Variants in RAD51B observed in about 807,000 individuals in gnomAD.
The protein encoded by RAD51B is DNA repair protein RAD51 homolog 2.
RAD51B carries 38 observed loss-of-function variants against 42.2 expected under a neutral mutation model. The ratio of observed to expected loss-of-function variants is 0.90; its 90% CI spans 0.70 to 1.18. The LOEUF (loss-of-function observed/expected upper bound fraction) is 1.18. RAD51B is among the 50% of genes most tolerant of loss of function. RAD51B has a pLI of 0.00. For missense variants in RAD51B, 373 were observed against 400.7 expected (o/e 0.93, Z 0.59); for synonymous variants, 154 against 145.2 (o/e 1.06, Z -0.43).
intron 7 of RAD51B, among the ~76,000 whole-genome samples, chr14:68,098,883 T>C (rs1053435063): frequency 2.0e-5 from 3 of 152,190 alleles, no homozygotes; most frequent in Non-Finnish European, 4.4e-5. Flanking sequence ...AGACAAGTTG[T>C]GTCCATGGCG....
At chr14:68,076,349 C>T (rs2076833662) in intron 7 of RAD51B, among the ~76,000 whole-genome samples, 1 of 152,116 alleles carries the variant, frequency 6.6e-6, no homozygotes, top group African/African-American at 2.4e-5. Flanking sequence ...TAATATATAC[C>T]TTATCAAGTT....
chr14:68,013,413 T>C (rs761792100), intron 7 of RAD51B, among the ~76,000 whole-genome samples: 16 of 152,102 alleles, frequency 1.1e-4, no homozygotes, highest in Non-Finnish European at 2.2e-4. Context: ...TACCATGTGA[T>C]GGGTGGGGTT....
intron 4 of RAD51B, among the ~76,000 whole-genome samples, chr14:67,857,575 C>A (rs528658316): frequency 3.3e-5 from 5 of 152,288 alleles, no homozygotes; most frequent in South Asian, 4.1e-4. Context: ...AAAATAATGG[C>A]TTGTTTCACC....
At chr14:67,837,156 TACAC>T (rs774191786) in intron 4 of RAD51B, among the ~76,000 whole-genome samples, 8 of 150,488 alleles carry the variant, frequency 5.3e-5, no homozygotes, top group Non-Finnish European at 7.4e-5. Context: ...CACACACACA[TACAC>T]ACACACACAC....
At chr14:68,551,928 A>G (rs1460913608) in intron 10 of RAD51B, among the ~76,000 whole-genome samples, 2 of 152,226 alleles carry the variant, frequency 1.3e-5, no homozygotes, top group Non-Finnish European at 2.9e-5. Flanking sequence ...TTGAAGTCAT[A>G]AGGGTGCTGT....
intron 7 of RAD51B, among the ~76,000 whole-genome samples, chr14:68,258,511 C>A (rs979176978): frequency 6.6e-6 from 1 of 151,926 alleles, no homozygotes; most frequent in Non-Finnish European, 1.5e-5. Flanking sequence ...ATTCCAGAAA[C>A]ATATCTCTTT....
chr14:68,477,836 C>G lies in RAD51B; in HGVS notation c.*172C>G, dbSNP rs1882830717. ...AACCATTGAGCTAGCGATTTCAGAC[C>G]TAGCAGGGAAGGTGAAGATGAAGAA... On this transcript the variant is annotated 3_prime_UTR_variant, in exon 11 of 11. Transcript: ENST00000471583. 6.9e-7 allele frequency: 1 copy of G among 1,442,398 alleles called. No homozygotes were observed. Among genetic ancestry groups the G allele is most frequent in the Admixed American group, 2.9e-5 (1 of 34,018 alleles). The allele number at this position is 1,442,398 out of a possible 1,614,324, so 89.3% of individuals were successfully genotyped here.
intron 8 of RAD51B, among the ~76,000 whole-genome samples, chr14:68,348,972 G>A (rs1029254337): frequency 1.3e-5 from 2 of 152,198 alleles, no homozygotes; most frequent in African/African-American, 4.8e-5. Flanking sequence ...TTTAGGTTTT[G>A]CAGGTCCTAT....
In RAD51B at chr14:68,275,441, TA is replaced by T. The variant is rs35372175; in HGVS notation, c.757-16432del. Among the ~76,000 whole-genome samples the T allele has an allele frequency of 3.4e-3, 501 of 146,794 alleles. 6 individuals are homozygous for T. Among genetic ancestry groups the T allele is most frequent in the African/African-American group, 9.7e-3 (391 of 40,356 alleles). On this transcript the variant is annotated intron_variant, in intron 7 of 10. Coordinates refer to ENST00000471583, the MANE Select transcript of RAD51B (RefSeq NM_133510.4). ...AAGTAACTGGCAGAAAAAGTGGACT[TA>T]AAAAAAAAAAGTAGTGGAACAAATA...
At chr14:68,094,680 G>T (rs2077162368) in intron 7 of RAD51B, among the ~76,000 whole-genome samples, 1 of 152,152 alleles carries the variant, frequency 6.6e-6, no homozygotes, top group Non-Finnish European at 1.5e-5. Context: ...GATAATAATA[G>T]TATACCCTGA....
intron 7 of RAD51B, among the ~76,000 whole-genome samples, chr14:68,087,974 ATATAATTATATAATATAT>A (rs2077022901): frequency 1.6e-5 from 2 of 128,120 alleles, no homozygotes; most frequent in African/African-American, 6.0e-5. Context: ...TTATTATTAT[ATATAATTATATAATATAT>A]TATTATATAT....
chr14:68,109,704 C>G (rs954390829), intron 7 of RAD51B, among the ~76,000 whole-genome samples: 28 of 151,876 alleles, frequency 1.8e-4, no homozygotes, highest in Admixed American at 1.3e-4. Context: ...TGGTGATTGG[C>G]CCAGGCATTC....
At chr14:68,461,322 A>AATAATGG in intron 9 of RAD51B, among the ~76,000 whole-genome samples, 1 of 130,038 alleles carries the variant, frequency 7.7e-6, no homozygotes, top group Admixed American at 8.3e-5. Flanking sequence ...TGAATCATGC[A>AATAATGG]ATATCCATGC....
At chr14:68,253,753 C>A (rs565344205) in intron 7 of RAD51B, among the ~76,000 whole-genome samples, 3 of 152,068 alleles carry the variant, frequency 2.0e-5, no homozygotes, top group Admixed American at 6.6e-5. Context: ...ATGTTATCTC[C>A]GTTTCACTGA....
Position 68,374,475 on chromosome 14 carries a change from T to C in RAD51B, c.854-36949T>C, listed in dbSNP as rs139236717. 2.2e-4 allele frequency among the ~76,000 whole-genome samples: 34 copies of C among 152,264 alleles called. 2 individuals carry two copies. Among genetic ancestry groups the C allele is most frequent in the African/African-American group, 7.5e-4 (31 of 41,548 alleles). ...TACAACCTAGGTGATAGACTTCCTT[T>C]TCTTTCATTGGGAAAACTGAGGCAA... On this transcript the variant is annotated intron_variant, in intron 8 of 10. Coordinates refer to ENST00000471583, the MANE Select transcript of RAD51B (RefSeq NM_133510.4).
At chr14:68,004,209 T>C (rs555586285) in intron 7 of RAD51B, among the ~76,000 whole-genome samples, 1 of 151,742 alleles carries the variant, frequency 6.6e-6, no homozygotes, top group East Asian at 1.9e-4. Flanking sequence ...GGCGGGTGCC[T>C]GTAGTCCCAG....
chr14:67,843,184 G>T (rs969908511), intron 4 of RAD51B, among the ~76,000 whole-genome samples: 1 of 150,262 alleles, frequency 6.7e-6, no homozygotes, highest in Admixed American at 6.6e-5. Context: ...TAAGTTTTAG[G>T]GTACATGTGC....
intron 8 of RAD51B, among the ~76,000 whole-genome samples, chr14:68,314,752 G>A (rs1328474687): frequency 6.6e-6 from 1 of 152,146 alleles, no homozygotes; most frequent in Non-Finnish European, 1.5e-5. Context: ...CTTATGACAG[G>A]CAATGATGGT....
intron 11 of RAD51B, among the ~76,000 whole-genome samples, chr14:68,682,146 A>G (rs941274652): frequency 7.2e-5 from 11 of 152,124 alleles, no homozygotes; most frequent in African/African-American, 1.9e-4. Flanking sequence ...CACAATCCCA[A>G]TTTTAACACC....
Sources: gnomAD v4.1 joint callset for allele counts (sites outside exome capture counted in the v4.1 genomes callset) on GRCh38, gnomAD v4.1.1 for gene constraint, MANE v1.5 for transcripts, NCBI Gene and HGNC (gene_info 2026-07-23, HGNC 2026-07-21) for gene names.